KPNA7: variants seen among roughly 807,000 people sequenced by gnomAD.
KPNA7 encodes karyopherin subunit alpha 7.
A neutral mutation model predicts 53.7 loss-of-function variants in KPNA7; 54 were observed. The ratio of observed to expected loss-of-function variants is 1.01; its 90% CI spans 0.81 to 1.26. The LOEUF is 1.26. KPNA7 is among the 50% of genes most tolerant of loss of function. KPNA7 has a pLI of 0.00. For synonymous variants in KPNA7, 276 were observed against 259.3 expected (o/e 1.06, Z -0.62); for missense variants, 640 against 644.5 (o/e 0.99, Z 0.07).
At chr7:99,184,413 T>C (rs1789466557) in intron 8 of KPNA7, among the ~76,000 whole-genome samples, 1 of 152,174 alleles carries the variant, frequency 6.6e-6, no homozygotes, top group South Asian at 2.1e-4. Flanking sequence ...TCCACCTGAC[T>C]GGGCCTCCCA....
rs778701640 is a variant in KPNA7 at position 99,185,256 on chromosome 7, A to T, written c.901-94T>A. ...GTTCTGTTCTCTCCCAAACATTGTC[A>T]TGCTATAGCCGATGGTTGTCTGACA... On this transcript the variant is annotated intron_variant, in intron 7 of 10. Transcript: ENST00000327442. The T allele has an allele frequency of 2.8e-5, 24 of 846,302 alleles. 1 individual carries two copies. The highest frequency in any genetic ancestry group is 3.8e-5 in the Non-Finnish European group (20 of 522,266). The allele number at this position is 846,302 out of a possible 1,614,324, so 52.4% of individuals were successfully genotyped here.
chr7:99,153,653 T>TA, the KPNA7 span, among the ~76,000 whole-genome samples: 1 of 151,428 alleles, frequency 6.6e-6, no homozygotes, highest in Non-Finnish European at 1.5e-5. Flanking sequence ...AATGCATAGA[T>TA]AGTGACCAGA....
At chr7:99,185,393 C>T (rs1789528693) in intron 7 of KPNA7, among the ~76,000 whole-genome samples, 2 of 152,124 alleles carry the variant, frequency 1.3e-5, no homozygotes, top group African/African-American at 4.8e-5. Context: ...GTTACCCAGG[C>T]TGGAATGCAG....
At chr7:99,174,816 ATT>A (rs796969006) in intron 10 of KPNA7, among the ~76,000 whole-genome samples, 1 of 148,988 alleles carries the variant, frequency 6.7e-6, no homozygotes, top group African/African-American at 2.5e-5. Flanking sequence ...CTTATTTATT[ATT>A]TTTTTTTTTT....
chr7:99,172,787 G>C (rs925950303), downstream of KPNA7, among the ~76,000 whole-genome samples: 4 of 152,076 alleles, frequency 2.6e-5, no homozygotes, highest in African/African-American at 7.2e-5. Flanking sequence ...TAGAGACCAG[G>C]CATGTTGGCT....
the KPNA7 span, among the ~76,000 whole-genome samples, chr7:99,153,868 G>A: frequency 6.6e-6 from 1 of 151,734 alleles, no homozygotes; most frequent in Non-Finnish European, 1.5e-5. Context: ...CCTGCTATTT[G>A]GGAGGCTGAG....
chr7:99,203,382 C>T, intron 2 of KPNA7, 142 bp from the exon 3 acceptor site: 1 of 739,634 alleles, frequency 1.4e-6, no homozygotes, highest in South Asian at 1.9e-5. Context: ...GTTAGTAAAT[C>T]ATCTCAGCTC....
intron 2 of KPNA7, among the ~76,000 whole-genome samples, chr7:99,205,949 C>T (rs1235947375): frequency 6.6e-6 from 1 of 152,192 alleles, no homozygotes. Context: ...ACACAGCACA[C>T]ACCCCCCGTC....
chr7:99,159,350 A>T, the KPNA7 span, among the ~76,000 whole-genome samples: 1 of 2,242 alleles, frequency 4.5e-4, no homozygotes, highest in African/African-American at 5.4e-4. Flanking sequence ...CACTGTCTCA[A>T]AAAAAAAAAA....
At position 99,178,037 on chromosome 7, in the gene KPNA7, G is replaced by C. The variant is rs756389890; in HGVS notation, c.1347C>G (p.Asn449Lys). ...QAAEKRSEKE[N>K]LCLLIEELGG... ...CAAGTTCTTCTATCAGAAGACACAG[G>C]TTTTCCTTCTCAGACCGTTTCTCTG... The change falls in exon 10 of 11, where the codon AAC becomes AAG. Residue 449 changes from asparagine to lysine, a missense_variant. By Grantham distance (94) the Asn-to-Lys change is moderately conservative. Transcript: ENST00000327442. 4.6e-5 allele frequency: 72 copies of C among 1,551,498 alleles called. No homozygotes were observed. In the Middle Eastern group the frequency reaches 1.8e-3, roughly 39 times the overall value.
the KPNA7 span, among the ~76,000 whole-genome samples, chr7:99,158,534 C>T: frequency 2.6e-5 from 4 of 152,090 alleles, no homozygotes; most frequent in East Asian, 7.7e-4. Flanking sequence ...GATGGAGTCT[C>T]ACTCTGTCGC....
chr7:99,165,302 TAAAA>T, the KPNA7 span, among the ~76,000 whole-genome samples: 1 of 145,324 alleles, frequency 6.9e-6, no homozygotes, highest in Non-Finnish European at 1.5e-5. Context: ...CTTGCCTTTT[TAAAA>T]AAAAAAAAAA....
At chr7:99,186,762 C>T (rs866647573) in intron 7 of KPNA7, among the ~76,000 whole-genome samples, 248 of 152,004 alleles carry the variant, frequency 1.6e-3, no homozygotes, top group African/African-American at 5.7e-3. Flanking sequence ...ACAACAACAA[C>T]AAAAATGGCT....
upstream of KPNA7, among the ~76,000 whole-genome samples, chr7:99,212,263 A>G (rs1216027675): frequency 9.2e-5 from 5 of 54,602 alleles, no homozygotes; most frequent in Non-Finnish European, 1.6e-4. Flanking sequence ...TTTTTTTTTG[A>G]GACAGAGTTT....
chr7:99,217,468 C>G (rs907011345), intron 1 of KPNA7, among the ~76,000 whole-genome samples: 2 of 152,034 alleles, frequency 1.3e-5, no homozygotes, highest in African/African-American at 4.8e-5. Context: ...TTCAGGGATC[C>G]CAGCAGCCTC....
chr7:99,163,911 G>A, the KPNA7 span, among the ~76,000 whole-genome samples: 14 of 151,982 alleles, frequency 9.2e-5, no homozygotes, highest in South Asian at 2.5e-3. Context: ...AGAATTTCTC[G>A]AAAATGCAAA....
chr7:99,179,676 C>A (rs187676114), intron 9 of KPNA7, among the ~76,000 whole-genome samples: 33 of 152,022 alleles, frequency 2.2e-4, no homozygotes, highest in African/African-American at 7.7e-4. Flanking sequence ...CCTCCACCAC[C>A]CAGGTTCAAG....
chr7:99,146,637 G>A, the KPNA7 span, among the ~76,000 whole-genome samples: 5 of 141,580 alleles, frequency 3.5e-5, no homozygotes, highest in Admixed American at 7.6e-5. Context: ...ACTTAAACTC[G>A]GGAGGCAGAG....
chr7:99,197,347 A>G (rs1159239207), intron 3 of KPNA7, among the ~76,000 whole-genome samples: 1 of 152,230 alleles, frequency 6.6e-6, no homozygotes, highest in African/African-American at 2.4e-5. Flanking sequence ...CACACCCAGC[A>G]ACAACAGCAA....
Sources: gnomAD v4.1 joint callset for allele counts (sites outside exome capture counted in the v4.1 genomes callset) on GRCh38, gnomAD v4.1.1 for gene constraint, MANE v1.5 for transcripts, NCBI Gene and HGNC (gene_info 2026-07-23, HGNC 2026-07-21) for gene names.